The following CD72 variants were observed in gnomAD, a reference collection of about 807,000 sequenced individuals.
CD72 encodes the protein CD72 molecule.
CD72 carries 28 observed loss-of-function variants against 50.7 expected under a neutral mutation model. That is an observed-to-expected ratio of 0.55 (90% CI 0.41 to 0.76). The LOEUF (loss-of-function observed/expected upper bound fraction) is 0.76. CD72 is among the 30% of genes least tolerant of loss of function. The pLI, the probability that CD72 is intolerant of heterozygous loss-of-function variation, is 0.00. For synonymous variants in CD72, 176 were observed against 171.2 expected (o/e 1.03, Z -0.22); for missense variants, 403 against 420.6 (o/e 0.96, Z 0.37).
intron 1 of CD72, among the ~76,000 whole-genome samples, chr9:35,637,240 ACT>A (rs201173020): frequency 0.074 from 11,321 of 152,066 alleles, 474 homozygotes; most frequent in Middle Eastern, 0.11. Flanking sequence ...CCCTTTGCTG[ACT>A]CTCTATTCGG....
chr9:35,629,856 T>G lies in CD72; in HGVS notation n.409-11735A>C, dbSNP rs1408636384. Among the ~76,000 whole-genome samples the G allele has an allele frequency of 6.6e-5, 10 of 152,218 alleles. No individual in the cohort carries two copies. The South Asian group carries it at 2.1e-3, about 32-fold the overall frequency. On this transcript the variant is annotated intron_variant and non_coding_transcript_variant, in intron 1 of 3. Transcript: ENST00000465754. ...GCACTCAGTAAGGAGAGCTAGATGTTCAGTTCCACTGATTATGTCAGCCCA... is the reference window on the plus strand; with the variant it reads ...GCACTCAGTAAGGAGAGCTAGATGTGCAGTTCCACTGATTATGTCAGCCCA...
chr9:35,637,135 G>A (rs561609178), intron 1 of CD72, among the ~76,000 whole-genome samples: 1 of 152,112 alleles, frequency 6.6e-6, no homozygotes, highest in East Asian at 1.9e-4. Flanking sequence ...GCTTGAGAAC[G>A]TACTTTGTAA....
upstream of CD72, among the ~76,000 whole-genome samples, chr9:35,621,957 C>A (rs79596911): frequency 3.3e-5 from 5 of 152,282 alleles, no homozygotes; most frequent in Middle Eastern, 3.4e-3. Flanking sequence ...AACTGTAAGA[C>A]AATAAATTTG....
At chr9:35,616,368 C>T (rs1823064448) in intron 4 of CD72, 90 bp from the exon 5 acceptor site, 1 of 1,037,816 alleles carries the variant, frequency 9.6e-7, no homozygotes, top group Non-Finnish European at 1.4e-6. Flanking sequence ...CTGCTTCTTG[C>T]AACTTTTTGC....
intron 1 of CD72, among the ~76,000 whole-genome samples, chr9:35,642,044 G>A (rs1301971666): frequency 1.3e-5 from 2 of 152,194 alleles, no homozygotes; most frequent in Non-Finnish European, 2.9e-5. Context: ...CTAGTTCCTG[G>A]AGTGAGGGGA....
intron 1 of CD72, among the ~76,000 whole-genome samples, chr9:35,631,840 A>T (rs1823248938): frequency 6.6e-6 from 1 of 152,166 alleles, no homozygotes; most frequent in Admixed American, 6.5e-5. Context: ...CAGTGAGCCG[A>T]GATCGCCGAG....
intron 1 of CD72, 24 bp downstream of exon 1, chr9:35,618,198 A>C (rs1823098372): frequency 1.2e-6 from 2 of 1,610,596 alleles, no homozygotes; most frequent in Admixed American, 3.3e-5. Context: ...ATGCAGGATC[A>C]AGGGGAGGCC....
At chr9:35,614,161 G>C (rs1164530533) in intron 5 of CD72, among the ~76,000 whole-genome samples, 1 of 152,216 alleles carries the variant, frequency 6.6e-6, no homozygotes, top group Admixed American at 6.5e-5. Context: ...TCAGTGTAGG[G>C]TTTTACATAG....
At chr9:35,630,989 TCATGG>T (rs1225903909) in intron 1 of CD72, among the ~76,000 whole-genome samples, 1 of 152,240 alleles carries the variant, frequency 6.6e-6, no homozygotes, top group African/African-American at 2.4e-5. Context: ...TAAGAATAGT[TCATGG>T]CATTATGGTG....
chr9:35,615,067 T>A (rs1241814671), intron 5 of CD72, among the ~76,000 whole-genome samples: 1 of 151,810 alleles, frequency 6.6e-6, no homozygotes, highest in African/African-American at 2.4e-5. Context: ...GTGATCAGAG[T>A]GGAAGTCTGA....
chr9:35,613,850 CA>C (rs1023636795), intron 5 of CD72, among the ~76,000 whole-genome samples: 6 of 151,694 alleles, frequency 4.0e-5, no homozygotes, highest in African/African-American at 1.5e-4. Context: ...CTAAAAATAC[CA>C]AAAAATACCC....
chr9:35,616,474 A>G, intron 4 of CD72, 126 bp downstream of exon 4: 1 of 933,540 alleles, frequency 1.1e-6, no homozygotes, highest in African/African-American at 1.6e-5. Context: ...CTGGCTGGAA[A>G]CCAAACCCAA....
chr9:35,639,592 G>A (rs1366643149), intron 1 of CD72, among the ~76,000 whole-genome samples: 1 of 152,146 alleles, frequency 6.6e-6, no homozygotes, highest in Non-Finnish European at 1.5e-5. Context: ...GATGACAAAT[G>A]ACAAAGTGTA....
intron 1 of CD72, among the ~76,000 whole-genome samples, chr9:35,630,164 G>A (rs543401182): frequency 1.3e-5 from 2 of 150,106 alleles, no homozygotes; most frequent in East Asian, 2.0e-4. Context: ...TCAGCCTCCC[G>A]AGTAGCTGGA....
Position 35,615,933 on chromosome 9 carries a change from G to A in CD72, c.688+10C>T. The stretch of plus-strand genomic sequence containing the variant: ...ATCCCTCCCTTCTCTCCTCTCCCCA[G>A]AGCGGATACCTGCTGAGCCGCATGT... On this transcript the variant is annotated intron_variant, in intron 5 of 8. Coordinates refer to ENST00000259633, the MANE Select transcript of CD72 (RefSeq NM_001782.3). The A allele has an allele frequency of 6.2e-7, 1 of 1,606,768 alleles. No individual in the cohort carries two copies. The highest frequency in any genetic ancestry group is 8.5e-7 in the Non-Finnish European group (1 of 1,175,134).
At chr9:35,624,115 G>A (rs974929133), upstream of CD72, among the ~76,000 whole-genome samples, 19 of 151,348 alleles carry the variant, frequency 1.3e-4, no homozygotes, top group Admixed American at 7.9e-4. Context: ...GGGAGGCTGA[G>A]GCAGGAGAAT....
At chr9:35,633,143 T>C (rs1329658849) in intron 1 of CD72, among the ~76,000 whole-genome samples, 2 of 151,538 alleles carry the variant, frequency 1.3e-5, no homozygotes, top group African/African-American at 2.4e-5. Context: ...GGTTTCACCA[T>C]GTTGCCCAGG....
Position 35,618,104 on chromosome 9 carries a change from C to A in CD72, c.100G>T (p.Asp34Tyr), listed in dbSNP as rs1193772774. Residue 34 changes from aspartate (D) to tyrosine (Y), a missense_variant, in exon 2 of 9, where the codon GAT becomes TAT. Transcript: ENST00000259633. Reference protein sequence around the residue: ...RLGQDPGADDDGEITYENVQV... With the variant: ...RLGQDPGADDYGEITYENVQV... ...ACATTCTCGTAGGTGATTTCCCCAT[C>A]ATCATCAGCCCCTGGGTCTAGAGAG... is the stretch of plus-strand genomic sequence containing the variant. 6.2e-7 allele frequency: 1 copy of A among 1,613,962 alleles called. No individual in the cohort carries two copies. The highest frequency in any genetic ancestry group is 1.7e-5 in the Admixed American group (1 of 60,026).
Position 35,639,959 on chromosome 9 carries a change from C to T in CD72, n.408+6444G>A, listed in dbSNP as rs376215557. On this transcript the variant is annotated intron_variant and non_coding_transcript_variant, in intron 1 of 3. Coordinates refer to the CD72 transcript ENST00000465754. ...AATACATAGAAATTGATATTTTAAA[C>T]GTTAAATATTCAGCAGTTTCTCTTA... Among the ~76,000 whole-genome samples the T allele has an allele frequency of 4.6e-5, 7 of 152,142 alleles. No homozygotes were observed. In the East Asian group the frequency reaches 9.6e-4, roughly 21 times the overall value.
Sources: gnomAD v4.1 joint callset for allele counts (sites outside exome capture counted in the v4.1 genomes callset) on GRCh38, gnomAD v4.1.1 for gene constraint, MANE v1.5 for transcripts, NCBI Gene and HGNC (gene_info 2026-07-23, HGNC 2026-07-21) for gene names.